Variants in GLDC observed in about 807,000 individuals in gnomAD.
GLDC encodes glycine decarboxylase, also known as glycine dehydrogenase (decarboxylating), mitochondrial.
In GLDC, 104 loss-of-function variants were observed where a neutral mutation model predicts 121.3. That is an observed-to-expected ratio of 0.86 (90% confidence interval 0.73 to 1.01). The LOEUF (loss-of-function observed/expected upper bound fraction) is 1.01. Among genes scored for constraint, GLDC ranks in the 50% least tolerant of loss-of-function variants. GLDC has a pLI of 0.00. For synonymous variants in GLDC, 546 were observed against 480.6 expected (o/e 1.14, Z -1.78); for missense variants, 1,429 against 1,306.6 (o/e 1.09, Z -1.44).
At chr9:6,592,008 G>C (rs1818384470) in intron 11 of GLDC, 135 bp downstream of exon 11, 4 of 706,024 alleles carry the variant, frequency 5.7e-6, no homozygotes, top group Non-Finnish European at 1.0e-5. Context: ...GCAAGGGATA[G>C]TCAGTGGAAT....
At chr9:6,622,234 A>T (rs1179139954) in intron 2 of GLDC, among the ~76,000 whole-genome samples, 2 of 151,410 alleles carry the variant, frequency 1.3e-5, no homozygotes. Flanking sequence ...TTCACAAGAG[A>T]TATGGTCCCC....
intron 17 of GLDC, among the ~76,000 whole-genome samples, chr9:6,556,750 C>T (rs1050595270): frequency 2.0e-5 from 3 of 150,058 alleles, no homozygotes; most frequent in Non-Finnish European, 4.4e-5. Flanking sequence ...GCCAAGATCA[C>T]ACCACTGCAC....
At chr9:6,548,492 G>C (rs1258872571) in intron 21 of GLDC, among the ~76,000 whole-genome samples, 1 of 152,126 alleles carries the variant, frequency 6.6e-6, no homozygotes, top group East Asian at 1.9e-4. Flanking sequence ...GCTCTCTGGG[G>C]AGCATTTTAA....
rs1334906388 is a variant in GLDC, at chr9:6,604,707, G to A, written c.939C>T (p.Ala313=). ...RPPGEFGVDI[A]LGSSQRFGVP... Reference sequence around the variant, plus strand: ...CTCCAAATCTCTGGGAGCTGCCCAGGGCGATGTCTACCCCAAATTCTCCAG... The same window carrying A: ...CTCCAAATCTCTGGGAGCTGCCCAGAGCGATGTCTACCCCAAATTCTCCAG... The change falls in exon 7 of 25, where the codon GCC becomes GCT. Residue 313 remains alanine, a synonymous_variant. Transcript: ENST00000321612. The A allele has an allele frequency of 1.9e-6, 3 of 1,613,962 alleles. No homozygotes were observed. The highest frequency in any genetic ancestry group is 1.7e-5 in the Admixed American group (1 of 60,000).
At position 6,588,633 on chromosome 9, in the gene GLDC, G is replaced by A. The variant is rs566134371; in HGVS notation, c.1650C>T (p.His550=). ...KLENKDISLV[H]SMIPLGSCTM... ...AAATAACTACCAGTGGAATCATGCT[G>A]TGAACAAGGGAAATGTCTTTATTTT... Residue 550 remains histidine (H), a synonymous_variant, in exon 13 of 25, where the codon CAC becomes CAT. Coordinates refer to ENST00000321612, the MANE Select transcript of GLDC (RefSeq NM_000170.3). 1.7e-5 allele frequency: 28 copies of A among 1,610,394 alleles called. No homozygotes were observed. The South Asian group carries it at 3.0e-4, about 17-fold the overall frequency.
intron 15 of GLDC, among the ~76,000 whole-genome samples, chr9:6,572,770 A>T (rs979570161): frequency 5.9e-5 from 9 of 152,054 alleles, no homozygotes; most frequent in African/African-American, 1.9e-4. Context: ...TTTTCCATCA[A>T]CTCTGTGAAC....
chr9:6,588,316 A>C, intron 14 of GLDC, 85 bp downstream of exon 14: 2 of 890,688 alleles, frequency 2.2e-6, no homozygotes, highest in Non-Finnish European at 3.9e-6. Flanking sequence ...TCACAGTCCC[A>C]GTAGATTTCA....
At chr9:6,547,732 A>T (rs1217206028) in intron 21 of GLDC, among the ~76,000 whole-genome samples, 2 of 151,950 alleles carry the variant, frequency 1.3e-5, no homozygotes, top group African/African-American at 4.8e-5. Flanking sequence ...ACAATTGGTT[A>T]AATCATGGCA....
Position 6,549,743 on chromosome 9 carries a change from C to G in GLDC, c.2569+1060G>C, listed in dbSNP as rs116681012. ...TTCCCTCTACTGTAAGCCCTAGAGG[C>G]TAGCTAACCTTCAATCACAGGTGTG... On this transcript the variant is annotated intron_variant, in intron 21 of 24. Transcript: ENST00000321612. 1.5e-3 allele frequency among the ~76,000 whole-genome samples: 226 copies of G among 152,170 alleles called. 1 individual carries two copies. The highest frequency in any genetic ancestry group is 5.3e-3 in the African/African-American group (222 of 41,530).
chr9:6,602,383 T>TC (rs1303545167), intron 7 of GLDC, among the ~76,000 whole-genome samples, 178 bp from the exon 8 acceptor site: 2 of 152,120 alleles, frequency 1.3e-5, no homozygotes, highest in Admixed American at 1.3e-4. Flanking sequence ...ACTGATTTTT[T>TC]TTTTTTTTTT....
intron 22 of GLDC, among the ~76,000 whole-genome samples, chr9:6,539,549 G>A (rs145949235): frequency 1.8e-3 from 271 of 152,300 alleles, no homozygotes; most frequent in African/African-American, 5.9e-3. Flanking sequence ...GGAAAATGTA[G>A]TGAGCTGAGC....
chr9:6,568,228 A>T (rs1231205635), intron 15 of GLDC, among the ~76,000 whole-genome samples: 1 of 152,180 alleles, frequency 6.6e-6, no homozygotes, highest in Non-Finnish European at 1.5e-5. Context: ...AAACATCTAT[A>T]AAAATCAGCT....
chr9:6,583,854 G>A (rs551884707), intron 15 of GLDC, among the ~76,000 whole-genome samples: 10 of 152,254 alleles, frequency 6.6e-5, no homozygotes, highest in African/African-American at 2.4e-4. Context: ...GGCCGCCAGG[G>A]GCCAGGGAAA....
intron 2 of GLDC, among the ~76,000 whole-genome samples, chr9:6,637,478 G>C (rs1391671566): frequency 6.6e-6 from 1 of 151,736 alleles, no homozygotes; most frequent in Non-Finnish European, 1.5e-5. Context: ...TTGAGATGAA[G>C]TCATTCTGTC....
rs770044310 is a variant in GLDC at position 6,610,338 on chromosome 9, T to C, written c.489A>G (p.Pro163=). 2.1e-5 allele frequency: 34 copies of C among 1,613,910 alleles called. No individual in the cohort carries two copies. The East Asian group carries it at 5.3e-4, about 25-fold the overall frequency. ...ENSGWITQYT[P]YQPEVSQGRL... ...TCCCCTGAGACACCTCAGGCTGGTA[T>C]GGAGTATACTGGGTGATCCTGCAAG... Residue 163 remains proline (P), a synonymous_variant, in exon 4 of 25, where the codon CCA becomes CCG. Coordinates refer to ENST00000321612, the MANE Select transcript of GLDC (RefSeq NM_000170.3).
At chr9:6,639,905 T>C (rs1202571592) in intron 2 of GLDC, among the ~76,000 whole-genome samples, 1 of 152,080 alleles carries the variant, frequency 6.6e-6, no homozygotes. Context: ...ACAACTTCCC[T>C]AACAATTGGC....
intron 3 of GLDC, among the ~76,000 whole-genome samples, chr9:6,617,559 G>C (rs908685229): frequency 5.3e-5 from 8 of 152,192 alleles, no homozygotes; most frequent in Non-Finnish European, 8.8e-5. Flanking sequence ...CAATGAAAAA[G>C]AAGCCTTCAT....
intron 2 of GLDC, among the ~76,000 whole-genome samples, chr9:6,632,113 C>G (rs1354988790): frequency 6.6e-6 from 1 of 152,060 alleles, no homozygotes; most frequent in African/African-American, 2.4e-5. Flanking sequence ...AGAATCACAC[C>G]AAGTAAATTG....
At chr9:6,637,373 C>T (rs1819525981) in intron 2 of GLDC, among the ~76,000 whole-genome samples, 1 of 149,666 alleles carries the variant, frequency 6.7e-6, no homozygotes, top group East Asian at 2.0e-4. Context: ...CCATTGCACT[C>T]AAACCTGGGG....
Sources: allele counts gnomAD v4.1 joint callset (sites outside exome capture counted in the v4.1 genomes callset), GRCh38; gene constraint gnomAD v4.1.1; transcripts MANE v1.5; gene names NCBI Gene and HGNC (gene_info 2026-07-23, HGNC 2026-07-21).